STIM1: variants seen among roughly 807,000 people sequenced by gnomAD.
STIM1 encodes stromal interaction molecule 1.
Under a neutral mutation model 74.7 loss-of-function variants are expected in STIM1, and 25 were observed. The ratio of observed to expected loss-of-function variants is 0.33; its 90% CI spans 0.24 to 0.47. The LOEUF (loss-of-function observed/expected upper bound fraction) is 0.47, where lower values mean the gene tolerates loss of function less well. STIM1 is among the 20% of genes least tolerant of loss of function. STIM1 has a pLI of 1.00. For missense variants in STIM1, 728 were observed against 920.8 expected, an observed-to-expected ratio of 0.79 and a Z score of 2.71; for synonymous variants, 328 against 348.8, an observed-to-expected ratio of 0.94 and a Z score of 0.66.
chr11:3,979,118 G>A (rs2093477243), intron 2 of STIM1, among the ~76,000 whole-genome samples: 1 of 152,196 alleles, frequency 6.6e-6, no homozygotes, highest in Admixed American at 6.5e-5. Flanking sequence ...GAAGCCCAGT[G>A]CTGTGGTTAA....
At chr11:4,063,423 A>C (rs2094344780) in intron 5 of STIM1, among the ~76,000 whole-genome samples, 1 of 152,204 alleles carries the variant, frequency 6.6e-6, no homozygotes, top group African/African-American at 2.4e-5. Context: ...CCATATTTCC[A>C]AAAGCATGTG....
rs373789394 is a variant in STIM1 at position 3,969,483 on chromosome 11, A to G, written c.270+1801A>G. Among the ~76,000 whole-genome samples, 25 of 152,318 alleles carry G rather than the reference A, an allele frequency of 1.6e-4. No homozygotes were observed. In the South Asian group the frequency reaches 3.5e-3, roughly 21 times the overall value. ...GGCAACAGAGCAAGACCCTGTCTCT[A>G]AAACAAAACAAAACACAAAACAAAA... On this transcript the variant is annotated intron_variant, in intron 2 of 12. Transcript: ENST00000526596.
At chr11:4,038,894 G>T (rs2094125454) in intron 3 of STIM1, among the ~76,000 whole-genome samples, 1 of 152,044 alleles carries the variant, frequency 6.6e-6, no homozygotes, top group African/African-American at 2.4e-5. Flanking sequence ...TCAAATTTCT[G>T]GGTGTAAGAA....
At chr11:4,068,523 C>T (rs962785884) in intron 5 of STIM1, among the ~76,000 whole-genome samples, 3 of 152,140 alleles carry the variant, frequency 2.0e-5, no homozygotes, top group African/African-American at 7.2e-5. Context: ...TAAGGCAACT[C>T]ACTGTGCTGC....
chr11:3,964,677 T>C (rs2093322787), intron 1 of STIM1, among the ~76,000 whole-genome samples: 1 of 152,132 alleles, frequency 6.6e-6, no homozygotes, highest in South Asian at 2.1e-4. Context: ...ACCTAGGATA[T>C]GTGTGGATAC....
At chr11:3,976,499 T>C (rs1455803526) in intron 2 of STIM1, among the ~76,000 whole-genome samples, 3 of 152,182 alleles carry the variant, frequency 2.0e-5, no homozygotes, top group African/African-American at 7.2e-5. Context: ...TAAATATGTA[T>C]TAAAACTCAT....
At chr11:4,029,604 A>G (rs2094030504) in intron 3 of STIM1, among the ~76,000 whole-genome samples, 1 of 150,448 alleles carries the variant, frequency 6.6e-6, no homozygotes, top group South Asian at 2.1e-4. Flanking sequence ...AGAGAGACAG[A>G]GAGAGACAGA....
chr11:3,859,951 G>A (rs117938581), intron 1 of STIM1, among the ~76,000 whole-genome samples: 1 of 152,316 alleles, frequency 6.6e-6, no homozygotes, highest in Non-Finnish European at 1.5e-5. Context: ...AGCTCATGTG[G>A]TATTTATTAA....
At chr11:3,913,621 T>C (rs546768440) in intron 1 of STIM1, among the ~76,000 whole-genome samples, 59 of 152,326 alleles carry the variant, frequency 3.9e-4, no homozygotes, top group African/African-American at 1.4e-3. Flanking sequence ...CTCTCTCATA[T>C]ACTTAAAGAC....
At chr11:3,984,214 A>T (rs753746459) in intron 2 of STIM1, among the ~76,000 whole-genome samples, 1 of 152,072 alleles carries the variant, frequency 6.6e-6, no homozygotes, top group Non-Finnish European at 1.5e-5. Flanking sequence ...TTACTTCAGC[A>T]TTGGTTTCTG....
chr11:3,974,117 G>A, intron 2 of STIM1: 1 of 678,026 alleles, frequency 1.5e-6, no homozygotes, highest in Non-Finnish European at 2.7e-6. Context: ...CACAGTCTGT[G>A]AGTGCTCCCT....
chr11:4,023,756 T>C (rs2093977263), intron 2 of STIM1, 117 bp from the exon 3 acceptor site: 1 of 737,868 alleles, frequency 1.4e-6, no homozygotes, highest in Non-Finnish European at 2.4e-6. Flanking sequence ...TGTGATACAC[T>C]TGTATGTTGG....
At chr11:3,977,953 C>G (rs2093464458) in intron 2 of STIM1, among the ~76,000 whole-genome samples, 1 of 152,098 alleles carries the variant, frequency 6.6e-6, no homozygotes, top group African/African-American at 2.4e-5. Context: ...GGCACCACAG[C>G]ATTTAGCCAT....
chr11:3,935,864 AG>A (rs1459782760), intron 1 of STIM1, among the ~76,000 whole-genome samples: 1 of 152,228 alleles, frequency 6.6e-6, no homozygotes, highest in Admixed American at 6.5e-5. Flanking sequence ...TGCATCATTG[AG>A]AACTAACTAC....
intron 2 of STIM1, among the ~76,000 whole-genome samples, chr11:3,985,809 G>C (rs2093553128): frequency 6.6e-6 from 1 of 152,214 alleles, no homozygotes; most frequent in Non-Finnish European, 1.5e-5. Flanking sequence ...GTGTTTGTTT[G>C]ACTATATATG....
intron 2 of STIM1, among the ~76,000 whole-genome samples, chr11:3,994,386 T>A (rs2093642953): frequency 6.6e-6 from 1 of 152,136 alleles, no homozygotes; most frequent in Non-Finnish European, 1.5e-5. Flanking sequence ...TCTTTATGGG[T>A]AGATTAATGT....
At chr11:3,923,564 G>A (rs1174834758) in intron 1 of STIM1, among the ~76,000 whole-genome samples, 1 of 149,382 alleles carries the variant, frequency 6.7e-6, no homozygotes, top group Non-Finnish European at 1.5e-5. Context: ...GGCTGAGATC[G>A]TGCCACTGTA....
At chr11:4,076,333 A>G (rs1314308664) in intron 7 of STIM1, among the ~76,000 whole-genome samples, 1 of 151,772 alleles carries the variant, frequency 6.6e-6, no homozygotes, top group Non-Finnish European at 1.5e-5. Flanking sequence ...TAAAAATACA[A>G]AAATTAACTG....
intron 2 of STIM1, among the ~76,000 whole-genome samples, chr11:3,973,589 G>C (rs2093416705): frequency 6.6e-6 from 1 of 151,974 alleles, no homozygotes; most frequent in Non-Finnish European, 1.5e-5. Flanking sequence ...TTGTAGAGAT[G>C]AGGTCTTGCC....
Sources: gnomAD v4.1 joint callset for allele counts (sites outside exome capture counted in the v4.1 genomes callset) on GRCh38, gnomAD v4.1.1 for gene constraint, MANE v1.5 for transcripts, NCBI Gene and HGNC (gene_info 2026-07-23, HGNC 2026-07-21) for gene names.